DHRSX: variants seen among roughly 807,000 people sequenced by gnomAD.
DHRSX encodes polyprenol dehydrogenase.
A neutral mutation model predicts 34.0 loss-of-function variants in DHRSX; 31 were observed. That is an observed-to-expected ratio of 0.91 (90% CI 0.69 to 1.23). DHRSX has a LOEUF of 1.23. Among genes scored for constraint, DHRSX ranks in the 50% most tolerant of loss-of-function variants. The probability of loss-of-function intolerance (pLI) is 0.00; values close to 1 mark genes in which losing one functional copy is unlikely to be tolerated. For synonymous variants in DHRSX, 201 were observed against 183.8 expected (o/e 1.09, Z -0.76); for missense variants, 414 against 428.1 (o/e 0.97, Z 0.29).
chrX:2,248,966 T>A (rs1158931275), intron 5 of DHRSX, among the ~76,000 whole-genome samples: 3 of 152,178 alleles, frequency 2.0e-5, no homozygotes, highest in Admixed American at 6.6e-5. Context: ...GTAAACTTTG[T>A]ATGCCTTTTC....
Position 2,272,145 on chromosome X carries a change from C to A in DHRSX, c.389-5198G>T, listed in dbSNP as rs1035350569. On this transcript the variant is annotated intron_variant, in intron 4 of 6. Transcript: ENST00000334651. ...TTTTTGTCTCAAAAACAAAAAAAAA[C>A]CAACAACAAAAAAACAAAAACACCA... Among the ~76,000 whole-genome samples, 16 of 152,056 alleles carry A rather than the reference C, an allele frequency of 1.1e-4. No individual in the cohort carries two copies. The East Asian group carries it at 2.1e-3, about 20-fold the overall frequency.
At chrX:2,470,309 C>T (rs1236658962) in intron 1 of DHRSX, among the ~76,000 whole-genome samples, 6 of 151,316 alleles carry the variant, frequency 4.0e-5, no homozygotes, top group African/African-American at 1.5e-4. Context: ...TGTCTGGAAT[C>T]ACTGTGCTAT....
At chrX:2,297,391 G>A (rs1010963234) in intron 3 of DHRSX, among the ~76,000 whole-genome samples, 2 of 152,114 alleles carry the variant, frequency 1.3e-5, no homozygotes, top group African/African-American at 4.8e-5. Flanking sequence ...TCAAAGTGCT[G>A]GGATTACCGT....
intron 3 of DHRSX, among the ~76,000 whole-genome samples, chrX:2,318,791 C>G (rs1160614807): frequency 6.6e-6 from 1 of 152,094 alleles, no homozygotes; most frequent in African/African-American, 2.4e-5. Context: ...AATGGAGTGG[C>G]CACTCTTTAT....
intron 1 of DHRSX, chrX:2,490,825 G>T: frequency 6.8e-7 from 1 of 1,480,850 alleles, no homozygotes. Flanking sequence ...GCACGCACGG[G>T]AGCCCTGCCG....
chrX:2,344,933 A>C (rs956478061), intron 3 of DHRSX, among the ~76,000 whole-genome samples: 56 of 144,228 alleles, frequency 3.9e-4, no homozygotes, highest in African/African-American at 1.3e-3. Flanking sequence ...TATTTAATAA[A>C]ATTTCAAATT....
chrX:2,303,785 A>ATGGATGGATGGATGGG (rs2042046352), intron 3 of DHRSX, among the ~76,000 whole-genome samples: 2 of 54,958 alleles, frequency 3.6e-5, no homozygotes, highest in African/African-American at 1.7e-4. Flanking sequence ...GGATGGATGG[A>ATGGATGGATGGATGGG]TGGATGGGTG....
chrX:2,483,396 T>C (rs1309947441), intron 1 of DHRSX, among the ~76,000 whole-genome samples: 1 of 152,162 alleles, frequency 6.6e-6, no homozygotes, highest in Non-Finnish European at 1.5e-5. Flanking sequence ...CCTGAGTAGC[T>C]GGGACTGACT....
chrX:2,371,021 C>T (rs2043051971), intron 3 of DHRSX, among the ~76,000 whole-genome samples: 1 of 152,094 alleles, frequency 6.6e-6, no homozygotes, highest in African/African-American at 2.4e-5. Flanking sequence ...CCAGATGTCA[C>T]TGCTCGGGTG....
chrX:2,301,708 G>A (rs1427658355), intron 3 of DHRSX, among the ~76,000 whole-genome samples: 4 of 151,890 alleles, frequency 2.6e-5, no homozygotes, highest in East Asian at 1.9e-4. Flanking sequence ...GTGCGATCTC[G>A]GCTCACTGCA....
intron 1 of DHRSX, chrX:2,489,015 C>A: frequency 6.2e-7 from 1 of 1,611,924 alleles, no homozygotes; most frequent in Non-Finnish European, 8.5e-7. Flanking sequence ...AGCTCCTCCA[C>A]CACCTGGGCA....
chrX:2,425,474 G>A (rs2043833123), intron 1 of DHRSX, among the ~76,000 whole-genome samples, 170 bp from the exon 2 acceptor site: 1 of 152,152 alleles, frequency 6.6e-6, no homozygotes, highest in South Asian at 2.1e-4. Context: ...ATGTATTAAA[G>A]TGGATTCGCC....
At chrX:2,399,579 G>A (rs1307069063) in intron 3 of DHRSX, among the ~76,000 whole-genome samples, 2 of 151,858 alleles carry the variant, frequency 1.3e-5, no homozygotes, top group African/African-American at 2.4e-5. Context: ...GATGGTGCAC[G>A]CCTGTAATCC....
intron 1 of DHRSX, chrX:2,488,747 T>C: frequency 6.2e-7 from 1 of 1,613,914 alleles, no homozygotes; most frequent in Non-Finnish European, 8.5e-7. Context: ...GTCCTCGGGT[T>C]CCGCCTCTGC....
rs1269519295 is a variant in DHRSX at position 2,270,762 on chromosome X, A to AGT, written c.389-3817_389-3816dup. 2.6e-5 allele frequency among the ~76,000 whole-genome samples: 4 copies of AGT among 152,336 alleles called. No homozygotes were observed. In the East Asian group the frequency reaches 7.7e-4, roughly 29 times the overall value. On this transcript the variant is annotated intron_variant, in intron 4 of 6. Transcript: ENST00000334651. ...GAAGCCACCTGGACTTCCTGGGTCG[A>AGT]GTGGAGACCCGGAGACCTTTTGTCT...
chrX:2,500,252 A>G (rs1438074936), intron 1 of DHRSX: 1 of 158,142 alleles, frequency 6.3e-6, no homozygotes, highest in African/African-American at 2.4e-5. Flanking sequence ...AGTGCCCGAG[A>G]AGCCGCCTCT....
chrX:2,447,244 C>T (rs1301356382), intron 1 of DHRSX, among the ~76,000 whole-genome samples: 2 of 151,932 alleles, frequency 1.3e-5, no homozygotes, highest in Non-Finnish European at 2.9e-5. Flanking sequence ...CAAGGAACAC[C>T]ACTGAAGACG....
intron 5 of DHRSX, among the ~76,000 whole-genome samples, chrX:2,260,905 C>A (rs1290443485): frequency 6.6e-6 from 1 of 152,164 alleles, no homozygotes; most frequent in Non-Finnish European, 1.5e-5. Flanking sequence ...GTGGACATAA[C>A]TCTTCAGATA....
At chrX:2,356,946 T>C (rs1292866916) in intron 3 of DHRSX, among the ~76,000 whole-genome samples, 1 of 152,002 alleles carries the variant, frequency 6.6e-6, no homozygotes, top group Non-Finnish European at 1.5e-5. Flanking sequence ...TTTTGGAGAA[T>C]CAAAAGGTGC....
Sources: allele counts gnomAD v4.1 joint callset (sites outside exome capture counted in the v4.1 genomes callset), GRCh38; gene constraint gnomAD v4.1.1; transcripts MANE v1.5; gene names NCBI Gene and HGNC (gene_info 2026-07-23, HGNC 2026-07-21).